Variants in CRAMP1 observed in about 807,000 individuals in gnomAD.
CRAMP1 encodes cramped chromatin regulator 1.
A neutral mutation model predicts 115.4 loss-of-function variants in CRAMP1; 50 were observed. The ratio of observed to expected loss-of-function variants is 0.43; its 90% confidence interval spans 0.35 to 0.55. The LOEUF (loss-of-function observed/expected upper bound fraction) is 0.55, where lower values mean the gene tolerates loss of function less well. CRAMP1 is among the 20% of genes least tolerant of loss of function. The pLI is 0.01. For missense variants in CRAMP1, 1,679 were observed against 1,721.7 expected (o/e 0.98, Z 0.44); for synonymous variants, 866 against 745.4 (o/e 1.16, Z -2.64).
intron 2 of CRAMP1, among the ~76,000 whole-genome samples, chr16:1,615,560 G>C (rs946749615): frequency 6.6e-6 from 1 of 152,254 alleles, no homozygotes; most frequent in Non-Finnish European, 1.5e-5. Context: ...CCAAAGAAAG[G>C]AAAGAGTGGT....
chr16:1,614,885 C>A lies in CRAMP1; in HGVS notation c.246C>A (p.Phe82Leu). 1 of 1,331,022 alleles carries A rather than the reference C, an allele frequency of 7.5e-7. No individual in the cohort carries two copies. The highest frequency in any genetic ancestry group is 9.6e-7 in the Non-Finnish European group (1 of 1,038,908). 82.5% of individuals were successfully genotyped at this position (1,331,022 alleles called of 1,614,324 possible). A position where few individuals can be genotyped will look rare whatever the true frequency, so the allele number is the denominator to read the frequency against. The change falls in exon 2 of 21, where the codon TTC becomes TTA. Residue 82 changes from phenylalanine (F) to leucine (L), a missense_variant. Phe to Leu is a conservative substitution (Grantham distance 22). Transcript: ENST00000397412. The surrounding 1 kb of genome is among the most constrained non-coding windows in gnomAD (Gnocchi z 4.4). The part of the protein sequence containing the change: ...PQGSPQDQHH[F>L]LRSSVRPQSK... ...GCAGCCCCCAGGACCAGCACCACTTCCTCCGGTCCAGCGTGCGGCCGCAGA... is the reference window on the plus strand; with the variant it reads ...GCAGCCCCCAGGACCAGCACCACTTACTCCGGTCCAGCGTGCGGCCGCAGA...
chr16:1,621,896 C>T lies in CRAMP1; in HGVS notation c.347-4077C>T, dbSNP rs186392142. ...TGGGTGTCCTGCACCCAGAGAAGCCCACCTAGTTTTGTTTACATCATCTTA... is the reference window on the plus strand; with the variant it reads ...TGGGTGTCCTGCACCCAGAGAAGCCTACCTAGTTTTGTTTACATCATCTTA... On this transcript the variant is annotated intron_variant, in intron 2 of 20. Transcript: ENST00000397412. 3.3e-5 allele frequency among the ~76,000 whole-genome samples: 5 copies of T among 152,282 alleles called. No individual in the cohort carries two copies. The East Asian group carries it at 9.6e-4, about 29-fold the overall frequency.
chr16:1,616,629 T>C (rs2036422450), intron 2 of CRAMP1, among the ~76,000 whole-genome samples: 1 of 152,034 alleles, frequency 6.6e-6, no homozygotes, highest in African/African-American at 2.4e-5. Context: ...CTTGCTAAGG[T>C]GCAGAAGGTT....
At chr16:1,623,003 C>T (rs1310357800) in intron 2 of CRAMP1, among the ~76,000 whole-genome samples, 2 of 152,046 alleles carry the variant, frequency 1.3e-5, no homozygotes, top group Non-Finnish European at 2.9e-5. Context: ...TCAAGAGATC[C>T]GCCTGCCTCG....
At chr16:1,648,571 C>T (rs931059410) in intron 6 of CRAMP1, among the ~76,000 whole-genome samples, 2 of 149,478 alleles carry the variant, frequency 1.3e-5, no homozygotes, top group East Asian at 4.0e-4. Context: ...CACCGCTGCA[C>T]TCCAGGCTGG....
intron 3 of CRAMP1, among the ~76,000 whole-genome samples, chr16:1,628,931 T>C (rs1329137772): frequency 1.3e-5 from 2 of 152,314 alleles, no homozygotes; most frequent in East Asian, 3.9e-4. Flanking sequence ...GTGCTGGGCA[T>C]GCTCAGATTC....
At chr16:1,636,783 C>G (rs1259407111) in intron 4 of CRAMP1, among the ~76,000 whole-genome samples, 1 of 152,236 alleles carries the variant, frequency 6.6e-6, no homozygotes, top group Non-Finnish European at 1.5e-5. Context: ...GAGGCTGGCG[C>G]CCAGGGCAGG....
intron 11 of CRAMP1, among the ~76,000 whole-genome samples, chr16:1,660,284 G>A (rs12449112): frequency 0.022 from 3,370 of 152,358 alleles, 233 homozygotes; most frequent in Admixed American, 0.13. Context: ...GTCCCAGGGC[G>A]TAGAAGCTGG....
At chr16:1,612,778 C>T (rs1406733530) in intron 1 of CRAMP1, among the ~76,000 whole-genome samples, 121 bp downstream of exon 1, 5 of 152,056 alleles carry the variant, frequency 3.3e-5, no homozygotes, top group Non-Finnish European at 7.4e-5. Context: ...CCACAACTGG[C>T]CTCAGGGCGA....
In CRAMP1 at chr16:1,677,789, T is replaced by C. The variant is rs538317957; in HGVS notation, c.*3744T>C. Reference sequence around the variant, plus strand: ...TATATTATTTATTCTTTACCAATTTTGGGAATAAAAGGTGTTTTGGTTATT... The same window carrying C: ...TATATTATTTATTCTTTACCAATTTCGGGAATAAAAGGTGTTTTGGTTATT... On this transcript the variant is annotated 3_prime_UTR_variant, in exon 21 of 21. Transcript: ENST00000397412. 2.0e-5 allele frequency: 3 copies of C among 152,870 alleles called. No homozygotes were observed. Among genetic ancestry groups the C allele is most frequent in the African/African-American group, 7.2e-5 (3 of 41,492 alleles). The allele number at this position is 152,870 out of a possible 1,614,324, so 9.5% of individuals were successfully genotyped here.
Position 1,656,384 on chromosome 16 carries a change from T to C in CRAMP1, c.1627T>C (p.Cys543Arg). Residue 543 changes from cysteine to arginine, a missense_variant, in exon 10 of 21, where the codon TGT (cysteine) becomes CGT (arginine). Cys to Arg is a radical substitution (Grantham distance 180). Coordinates refer to ENST00000397412, the MANE Select transcript of CRAMP1 (RefSeq NM_020825.4). This position sits in a 1 kb window ranked among gnomAD's most constrained non-coding sequence, Gnocchi z 5.6. Reference protein sequence around the residue: ...SPTREPGALPCACGQLPDLED... With the variant: ...SPTREPGALPRACGQLPDLED... ...CACCCGGGAGCCAGGGGCCTTGCCG[T>C]GTGCCTGTGGCCAGCTCCCAGACCT... 1 of 1,596,788 alleles carries C rather than the reference T, an allele frequency of 6.3e-7. No homozygotes were observed. The highest frequency in any genetic ancestry group is 1.1e-5 in the South Asian group (1 of 88,748).
chr16:1,624,118 G>A (rs1320135342), intron 2 of CRAMP1, among the ~76,000 whole-genome samples: 2 of 151,916 alleles, frequency 1.3e-5, no homozygotes, highest in African/African-American at 4.8e-5. Context: ...TGGGGCTGGC[G>A]TGACTGAGAG....
In CRAMP1 at chr16:1,669,551, TTC is replaced by T. The variant is rs2036904549; in HGVS notation, c.3499+390_3499+391del. On this transcript the variant is annotated intron_variant, in intron 19 of 20. Coordinates refer to ENST00000397412, the MANE Select transcript of CRAMP1 (RefSeq NM_020825.4). The surrounding 1 kb of genome is among the most constrained non-coding windows in gnomAD (Gnocchi z 4.6). ...TGGTGTCTTGGCACTCTCTTGGCTCTTCTCTTTCTGTGGTCAGTAAGGTATTC... is the reference window on the plus strand; with the variant it reads ...TGGTGTCTTGGCACTCTCTTGGCTCTTCTTTCTGTGGTCAGTAAGGTATTC... Among the ~76,000 whole-genome samples the T allele has an allele frequency of 6.6e-6, 1 of 152,200 alleles. No homozygotes were observed. The highest frequency in any genetic ancestry group is 1.5e-5 in the Non-Finnish European group (1 of 68,034).
chr16:1,615,145 C>G (rs186897144), intron 2 of CRAMP1, among the ~76,000 whole-genome samples, 160 bp downstream of exon 2: 25 of 152,364 alleles, frequency 1.6e-4, no homozygotes, highest in African/African-American at 6.0e-4. Flanking sequence ...CATGTGTCCC[C>G]TCTCTCCTTC....
Position 1,664,983 on chromosome 16 carries a change from A to G in CRAMP1, c.2671-74A>G, listed in dbSNP as rs567100730. On this transcript the variant is annotated intron_variant, in intron 13 of 20. Transcript: ENST00000397412. ...TGCTGGGCACCCTCTTACTTGGGACATTCCTTTGTAACTGGGAGTGATTTT... is the reference window on the plus strand; with the variant it reads ...TGCTGGGCACCCTCTTACTTGGGACGTTCCTTTGTAACTGGGAGTGATTTT... 1.6e-5 allele frequency: 17 copies of G among 1,037,900 alleles called. No homozygotes were observed. The East Asian group carries it at 3.8e-4, about 23-fold the overall frequency. 64.3% of individuals were successfully genotyped at this position (1,037,900 alleles called of 1,614,324 possible).
chr16:1,667,640 A>C (rs2036887351), intron 17 of CRAMP1, among the ~76,000 whole-genome samples: 1 of 145,888 alleles, frequency 6.9e-6, no homozygotes, highest in Non-Finnish European at 1.5e-5. Flanking sequence ...CAGCTCTGGA[A>C]GAACTTAGCG....
chr16:1,662,666 A>G lies in CRAMP1; in HGVS notation c.2590A>G (p.Ile864Val), dbSNP rs1001038539. The change falls in exon 12 of 21, where the codon ATC becomes GTC. Residue 864 changes from isoleucine (I) to valine (V), a missense_variant. By Grantham distance (29) the Ile-to-Val change is conservative. Transcript: ENST00000397412. Reference protein sequence around the residue: ...ELTFRQHLNSISMQSDFFLPK... With the variant: ...ELTFRQHLNSVSMQSDFFLPK... ...GACTTTCCGCCAGCATCTGAACTCC[A>G]TCAGTGTGAGTGTGTGGGGCCGGGC... The G allele has an allele frequency of 1.4e-5, 23 of 1,613,908 alleles. No individual in the cohort carries two copies. The highest frequency in any genetic ancestry group is 1.9e-5 in the Non-Finnish European group (23 of 1,179,902).
chr16:1,626,280 C>A, intron 3 of CRAMP1, 114 bp downstream of exon 3: 1 of 1,048,894 alleles, frequency 9.5e-7, no homozygotes, highest in South Asian at 1.8e-5. Flanking sequence ...GATTCCTGGG[C>A]GACCCCCGCA....
chr16:1,676,074 A>G lies in CRAMP1; in HGVS notation c.*2029A>G, dbSNP rs1486861342. The stretch of plus-strand genomic sequence containing the variant: ...GCTAGACCAGAGATGCCAAGTCCCA[A>G]CAGCACTGAGCTGTGTGCACTGTGC... On this transcript the variant is annotated 3_prime_UTR_variant, in exon 21 of 21. Transcript: ENST00000397412. The G allele has an allele frequency of 6.6e-6, 1 of 152,262 alleles. No homozygotes were observed. The highest frequency in any genetic ancestry group is 1.5e-5 in the Non-Finnish European group (1 of 68,062). 9.4% of individuals were successfully genotyped at this position (152,262 alleles called of 1,614,324 possible). A position where few individuals can be genotyped will look rare whatever the true frequency, so the allele number is the denominator to read the frequency against.
Sources: allele counts gnomAD v4.1 joint callset (sites outside exome capture counted in the v4.1 genomes callset), GRCh38; gene constraint gnomAD v4.1.1; non-coding constraint Gnocchi (gnomAD v3.1); transcripts MANE v1.5; gene names NCBI Gene and HGNC (gene_info 2026-07-23, HGNC 2026-07-21).